The following AKT3 variants were observed in gnomAD, a reference collection of about 807,000 sequenced individuals.
The protein encoded by AKT3 is AKT serine/threonine kinase 3.
A neutral mutation model predicts 65.3 loss-of-function variants in AKT3; 15 were observed. That is an observed-to-expected ratio of 0.23 (90% CI 0.15 to 0.35). The LOEUF is 0.35. Among genes scored for constraint, AKT3 ranks in the 10% least tolerant of loss-of-function variants. AKT3 has a pLI of 1.00. For synonymous variants in AKT3, 206 were observed against 183.8 expected, an observed-to-expected ratio of 1.12 and a Z score of -0.98; for missense variants, 243 against 576.5, an observed-to-expected ratio of 0.42 and a Z score of 5.92.
Position 243,695,626 on chromosome 1 carries a change from T to C in AKT3, c.137A>G (p.Asp46Gly). The change falls in exon 3 of 14, where the codon GAT (aspartate) becomes GGT (glycine). Residue 46 changes from aspartate to glycine, a missense_variant. Asp to Gly is a moderately conservative substitution (Grantham distance 94). Coordinates refer to ENST00000673466, the MANE Select transcript of AKT3 (RefSeq NM_005465.7). ...IGYKEKPQDV[D>G]LPYPLNNFSV... Reference sequence around the variant, plus strand: ...AAAGTTGTTGAGGGGATAAGGTAAATCCACATCTTGAGGTTTCTCTTTATA... The same window carrying C: ...AAAGTTGTTGAGGGGATAAGGTAAACCCACATCTTGAGGTTTCTCTTTATA... 1 of 1,607,388 alleles carries C rather than the reference T, an allele frequency of 6.2e-7. No homozygotes were observed. Among genetic ancestry groups the C allele is most frequent in the Non-Finnish European group, 8.5e-7 (1 of 1,175,958 alleles).
Position 243,552,896 on chromosome 1 carries a change from T to C in AKT3, c.996A>G (p.Leu332=), listed in dbSNP as rs371532988. ...ACATCATTTCATACATGACAACCCC[T>C]AGGCCCCACCAGTCTACTGCTCGGC... ...DYGRAVDWWG[L]GVVMYEMMCG... The change falls in exon 11 of 14, where the codon CTA becomes CTG. Residue 332 remains leucine, a synonymous_variant. Coordinates refer to ENST00000673466, the MANE Select transcript of AKT3 (RefSeq NM_005465.7). 6.1e-5 allele frequency: 99 copies of C among 1,613,962 alleles called. No individual in the cohort carries two copies. The highest frequency in any genetic ancestry group is 1.6e-4 in the Middle Eastern group (1 of 6,084).
chr1:243,552,034 A>G (rs1246754687), intron 11 of AKT3, among the ~76,000 whole-genome samples: 1 of 152,168 alleles, frequency 6.6e-6, no homozygotes, highest in Non-Finnish European at 1.5e-5. Flanking sequence ...TCACGACTGT[A>G]ATCCCAGCAC....
chr1:243,843,102 T>G (rs770950204), intron 2 of AKT3, 23 bp downstream of exon 2: 1 of 1,611,776 alleles, frequency 6.2e-7, no homozygotes, highest in Non-Finnish European at 8.5e-7. Flanking sequence ...AACCGTATTA[T>G]TTTTGGTTTG....
chr1:243,666,509 G>A (rs932889336), intron 3 of AKT3, among the ~76,000 whole-genome samples: 2 of 151,926 alleles, frequency 1.3e-5, no homozygotes, highest in African/African-American at 2.4e-5. Flanking sequence ...TTGAATTACT[G>A]GACCACCCCT....
chr1:243,850,954 C>T (rs1156513567), upstream of AKT3: 1 of 152,152 alleles, frequency 6.6e-6, no homozygotes, highest in African/African-American at 2.4e-5. Flanking sequence ...CGCCCACCCG[C>T]CCTGGCCGCG....
chr1:243,827,284 T>TAC, intron 2 of AKT3, among the ~76,000 whole-genome samples: 1 of 152,230 alleles, frequency 6.6e-6, no homozygotes, highest in East Asian at 1.9e-4. Flanking sequence ...GGACCACATA[T>TAC]ACACAAGACC....
chr1:243,521,562 T>A (rs1280062036), intron 12 of AKT3, among the ~76,000 whole-genome samples: 1 of 152,212 alleles, frequency 6.6e-6, no homozygotes, highest in Non-Finnish European at 1.5e-5. Flanking sequence ...CTTCTTGACA[T>A]AAAACTAGAA....
chr1:243,628,817 A>G (rs1303399186), intron 6 of AKT3, among the ~76,000 whole-genome samples: 1 of 152,252 alleles, frequency 6.6e-6, no homozygotes, highest in Non-Finnish European at 1.5e-5. Context: ...GAAACTGATG[A>G]AAGAACAACA....
chr1:243,843,234 T>C lies in AKT3; in HGVS notation c.-64A>G. On this transcript the variant is annotated 5_prime_UTR_variant, in exon 2 of 14. Transcript: ENST00000673466. ...ACTTTGTGATATCAGCTTTAGGGTT[T>C]GGATTCTCTGCTGCTGCTGCCCTTC... 1 of 1,571,084 alleles carries C rather than the reference T, an allele frequency of 6.4e-7. No homozygotes were observed. Among genetic ancestry groups the C allele is most frequent in the African/African-American group, 1.4e-5 (1 of 74,052 alleles).
chr1:243,703,587 C>T (rs139812855), intron 2 of AKT3, among the ~76,000 whole-genome samples: 1,701 of 151,686 alleles, frequency 0.011, 26 homozygotes, highest in Admixed American at 0.04. Flanking sequence ...ATGGCAAGAC[C>T]GTCTCTACTA....
At chr1:243,847,010 C>T (rs1695548114) in intron 1 of AKT3, among the ~76,000 whole-genome samples, 1 of 152,098 alleles carries the variant, frequency 6.6e-6, no homozygotes, top group African/African-American at 2.4e-5. Flanking sequence ...TAATCCTATC[C>T]CATGTAAAAG....
At chr1:243,627,012 G>T (rs535669858) in intron 6 of AKT3, among the ~76,000 whole-genome samples, 4 of 152,166 alleles carry the variant, frequency 2.6e-5, no homozygotes, top group Non-Finnish European at 5.9e-5. Context: ...AAGAGATTTA[G>T]CACATGAATT....
At chr1:243,800,726 A>C (rs1371368109) in intron 2 of AKT3, among the ~76,000 whole-genome samples, 1 of 152,110 alleles carries the variant, frequency 6.6e-6, no homozygotes, top group East Asian at 1.9e-4. Context: ...CGAGGAAAAA[A>C]AAAAAAGAGA....
chr1:243,732,190 G>T (rs1316616183), intron 2 of AKT3, among the ~76,000 whole-genome samples: 1 of 152,080 alleles, frequency 6.6e-6, no homozygotes, highest in African/African-American at 2.4e-5. Flanking sequence ...GCAGCCAAGA[G>T]CCCAGAACGG....
At chr1:243,759,184 G>A (rs965123037) in intron 2 of AKT3, among the ~76,000 whole-genome samples, 13 of 152,054 alleles carry the variant, frequency 8.5e-5, no homozygotes, top group African/African-American at 3.1e-4. Flanking sequence ...GCGTGGTGGT[G>A]TGCACCAGTA....
At chr1:243,601,092 T>G (rs936040766) in intron 8 of AKT3, among the ~76,000 whole-genome samples, 5 of 152,160 alleles carry the variant, frequency 3.3e-5, no homozygotes, top group Admixed American at 2.6e-4. Context: ...TAACTATGCA[T>G]TAAAATGCTG....
chr1:243,494,556 T>C (rs546827607), intron 13 of AKT3, among the ~76,000 whole-genome samples: 3 of 152,346 alleles, frequency 2.0e-5, no homozygotes, highest in Admixed American at 2.0e-4. Flanking sequence ...TTAAACTTTT[T>C]GTTTTTTGAC....
At chr1:243,836,955 G>C (rs1357010288) in intron 2 of AKT3, among the ~76,000 whole-genome samples, 1 of 149,132 alleles carries the variant, frequency 6.7e-6, no homozygotes, top group African/African-American at 2.5e-5. Flanking sequence ...TAAACTCCTA[G>C]CAAGATTATC....
At chr1:243,830,640 A>G (rs1694447664) in intron 2 of AKT3, among the ~76,000 whole-genome samples, 1 of 152,200 alleles carries the variant, frequency 6.6e-6, no homozygotes, top group Non-Finnish European at 1.5e-5. Context: ...AATATCTAAG[A>G]TAAGTGATCC....
Sources: allele counts gnomAD v4.1 joint callset (sites outside exome capture counted in the v4.1 genomes callset), GRCh38; gene constraint gnomAD v4.1.1; transcripts MANE v1.5; gene names NCBI Gene and HGNC (gene_info 2026-07-23, HGNC 2026-07-21).